The following PEX11A variants were observed in gnomAD, a reference collection of about 807,000 sequenced individuals.
The protein encoded by PEX11A is peroxisomal biogenesis factor 11 alpha.
Under a neutral mutation model 14.4 loss-of-function variants are expected in PEX11A, and 13 were observed. That is an observed-to-expected ratio of 0.90 (90% CI 0.59 to 1.43). The LOEUF (loss-of-function observed/expected upper bound fraction) is 1.43. PEX11A is among the 40% of genes most tolerant of loss of function. PEX11A has a pLI of 0.00. For missense variants in PEX11A, 290 were observed against 302.8 expected (o/e 0.96, Z 0.31); for synonymous variants, 101 against 113.0 (o/e 0.89, Z 0.67).
chr15:89,688,257 A>G (rs1346085371), intron 1 of PEX11A: 6 of 524,554 alleles, frequency 1.1e-5, no homozygotes, highest in Non-Finnish European at 2.3e-5. Flanking sequence ...TGTTTGCATG[A>G]GCATTATTGG....
chr15:89,686,561 A>G lies in PEX11A; in HGVS notation c.57-15T>C. The G allele has an allele frequency of 8.9e-7, 1 of 1,129,514 alleles. No homozygotes were observed. Among genetic ancestry groups the G allele is most frequent in the Admixed American group, 2.0e-5 (1 of 49,678 alleles). The allele number at this position is 1,129,514 out of a possible 1,614,324, so 70.0% of individuals were successfully genotyped here. Reference sequence around the variant, plus strand: ...ACTGAGTGGCTCTGAAATGGAAAAAAAAAAATTGAGAAGAATGATTTACAA... The same window carrying G: ...ACTGAGTGGCTCTGAAATGGAAAAAGAAAAATTGAGAAGAATGATTTACAA... On this transcript the variant is annotated splice_polypyrimidine_tract_variant and intron_variant, in intron 1 of 2. Coordinates refer to ENST00000300056, the MANE Select transcript of PEX11A (RefSeq NM_003847.3).
chr15:89,683,484 C>G lies in PEX11A; in HGVS notation c.637G>C (p.Gly213Arg). 1 of 1,614,074 alleles carries G rather than the reference C, an allele frequency of 6.2e-7. No individual in the cohort carries two copies. The highest frequency in any genetic ancestry group is 8.5e-7 in the Non-Finnish European group (1 of 1,179,928). Residue 213 changes from glycine to arginine, a missense_variant, in exon 3 of 3, where the codon GGG becomes CGG. Coordinates refer to ENST00000300056, the MANE Select transcript of PEX11A (RefSeq NM_003847.3). Reference protein sequence around the residue: ...CDILNPLDQLGIYKSNPGIIG... With the variant: ...CDILNPLDQLRIYKSNPGIIG... ...ATGCCAGGATTGGATTTATAGATCC[C>G]CAGCTGGTCCAAAGGGTTCAGGATA...
intron 2 of PEX11A, among the ~76,000 whole-genome samples, chr15:89,684,911 T>TG (rs1374898547): frequency 6.6e-6 from 1 of 152,054 alleles, no homozygotes; most frequent in Admixed American, 6.5e-5. Flanking sequence ...CAGAAGGGGC[T>TG]GGGCGCGGTG....
At chr15:89,689,080 A>G (rs183982520) in intron 1 of PEX11A, among the ~76,000 whole-genome samples, 1 of 152,322 alleles carries the variant, frequency 6.6e-6, no homozygotes, top group East Asian at 1.9e-4. Context: ...GTACACTGGA[A>G]TTACAGGTTT....
intron 1 of PEX11A, among the ~76,000 whole-genome samples, chr15:89,686,759 T>C (rs74644376): frequency 0.016 from 2,507 of 152,214 alleles, 81 homozygotes; most frequent in African/African-American, 0.057. Flanking sequence ...ACAAAGGTAA[T>C]GAAAACAAAT....
intron 2 of PEX11A, among the ~76,000 whole-genome samples, chr15:89,684,405 G>A (rs1487757413): frequency 6.6e-6 from 1 of 152,210 alleles, no homozygotes; most frequent in Non-Finnish European, 1.5e-5. Flanking sequence ...AATCATGAGT[G>A]TGGACTGTTA....
chr15:89,681,806 C>G lies in PEX11A; in HGVS notation c.*1571G>C, dbSNP rs140598982. The G allele has an allele frequency of 7.8e-4, 263 of 336,174 alleles. No homozygotes were observed. The highest frequency in any genetic ancestry group is 4.9e-3 in the African/African-American group (233 of 47,224). The allele number at this position is 336,174 out of a possible 1,614,324, so 20.8% of individuals were successfully genotyped here. A position where few individuals can be genotyped will look rare whatever the true frequency, so the allele number is the denominator to read the frequency against. ...TTCTCATTTCCATTCAGATAAATGA[C>G]ACAGCTTTGCTGGGAGGACTGACAT... On this transcript the variant is annotated 3_prime_UTR_variant, in exon 3 of 3. Coordinates refer to ENST00000300056, the MANE Select transcript of PEX11A (RefSeq NM_003847.3).
In PEX11A at chr15:89,690,707, A is replaced by AT. The variant is rs1964823254; in HGVS notation, c.-76_-75insA. 9 of 1,092,784 alleles carry AT rather than the reference A, an allele frequency of 8.2e-6. No homozygotes were observed. Among genetic ancestry groups the AT allele is most frequent in the Non-Finnish European group, 1.2e-5 (9 of 736,276 alleles). 67.7% of individuals were successfully genotyped at this position (1,092,784 alleles called of 1,614,324 possible). A position where few individuals can be genotyped will look rare whatever the true frequency, so the allele number is the denominator to read the frequency against. On this transcript the variant is annotated 5_prime_UTR_variant, in exon 1 of 3. Coordinates refer to ENST00000300056, the MANE Select transcript of PEX11A (RefSeq NM_003847.3). ...TCTGGGGCCCGTCGGATCCCCAGGG[A>AT]ACGGTCAGTCCCAGGTTATCCGCTG... is the stretch of plus-strand genomic sequence containing the variant.
intron 1 of PEX11A, chr15:89,688,100 T>A: frequency 1.9e-6 from 1 of 534,954 alleles, no homozygotes; most frequent in South Asian, 1.4e-5. Flanking sequence ...CGGCTTAGTC[T>A]GCCCACCACA....
Position 89,683,695 on chromosome 15 carries a change from G to T in PEX11A, c.426C>A (p.Ile142=), listed in dbSNP as rs1310772440. ...ATGTAACTCGTTTCATCTGCAGGGA[G>T]ATTTCATACAGATCCCTGACCAGGC... ...LLSLVRDLYE[I]SLQMKRVTCD... is the part of the protein sequence containing the mutation. The change falls in exon 3 of 3, where the codon ATC becomes ATA. Residue 142 remains isoleucine (I), a synonymous_variant. Transcript: ENST00000300056. 3 of 1,613,948 alleles carry T rather than the reference G, an allele frequency of 1.9e-6. No individual in the cohort carries two copies. Among genetic ancestry groups the T allele is most frequent in the Non-Finnish European group, 2.5e-6 (3 of 1,179,876 alleles).
At position 89,686,533 on chromosome 15, in the gene PEX11A, T is replaced by G; in HGVS notation, c.70A>C (p.Thr24Pro). 6.6e-7 allele frequency: 1 copy of G among 1,510,784 alleles called. No homozygotes were observed. The highest frequency in any genetic ancestry group is 9.2e-7 in the Non-Finnish European group (1 of 1,092,478). 93.6% of individuals were successfully genotyped at this position (1,510,784 alleles called of 1,614,324 possible). A position where few individuals can be genotyped will look rare whatever the true frequency, so the allele number is the denominator to read the frequency against. ...RDRLFRATQY[T>P]CMLLRYLLEP... ...AACAAATATCTAAGCAACATGCATG[T>G]GTACTGAGTGGCTCTGAAATGGAAA... The change falls in exon 2 of 3, where the codon ACA becomes CCA. Residue 24 changes from threonine (T) to proline (P), a missense_variant. Transcript: ENST00000300056.
rs946514844 is a variant in PEX11A, at chr15:89,687,964, T to C, written c.57-1418A>G. The C allele has an allele frequency of 1.1e-5, 6 of 552,556 alleles. No individual in the cohort carries two copies. The African/African-American group carries it at 1.1e-4, about 10-fold the overall frequency. 34.2% of individuals were successfully genotyped at this position (552,556 alleles called of 1,614,324 possible). A position where few individuals can be genotyped will look rare whatever the true frequency, so the allele number is the denominator to read the frequency against. ...TGGATCACTTGGCCCTTTCTCTTCT[T>C]ATCTCCTCCCAGTTCAAAATGCTGG... On this transcript the variant is annotated intron_variant, in intron 1 of 2. Coordinates refer to ENST00000300056, the MANE Select transcript of PEX11A (RefSeq NM_003847.3).
intron 1 of PEX11A, 107 bp from the exon 2 acceptor site, chr15:89,686,653 G>C: frequency 3.2e-6 from 2 of 619,006 alleles, no homozygotes; most frequent in Non-Finnish European, 5.7e-6. Flanking sequence ...ACATTTCCAA[G>C]ACCATTTCTC....
chr15:89,687,833 A>C, intron 1 of PEX11A: 1 of 329,914 alleles, frequency 3.0e-6, no homozygotes, highest in Non-Finnish European at 5.8e-6. Context: ...TCTAATAATA[A>C]GGATCAGGCC....
In PEX11A at chr15:89,683,460, T is replaced by C. The variant is rs1964626804; in HGVS notation, c.661A>G (p.Ile221Val). The C allele has an allele frequency of 6.2e-7, 1 of 1,614,154 alleles. No individual in the cohort carries two copies. Residue 221 changes from isoleucine (I) to valine (V), a missense_variant, in exon 3 of 3, where the codon ATC (isoleucine) becomes GTC (valine). By Grantham distance (29) the Ile-to-Val change is conservative (BLOSUM62 3). Transcript: ENST00000300056. ...GACACAAGACCTCCAAGTCCAATGA[T>C]GCCAGGATTGGATTTATAGATCCCC... ...QLGIYKSNPG[I>V]IGLGGLVSSI...
At position 89,686,442 on chromosome 15, in the gene PEX11A, G is replaced by A. The variant is rs754679933; in HGVS notation, c.161C>T (p.Thr54Ile). Residue 54 changes from threonine (T) to isoleucine (I), a missense_variant, in exon 2 of 3, where the codon ACT becomes ATT. Physicochemically the swap from Thr to Ile is moderately conservative, Grantham distance 89. Transcript: ENST00000300056. ...KLKKLESSVS[T>I]GRKWFRLGNV... The stretch of plus-strand genomic sequence containing the variant: ...AACAGGGTACTTACATTTACGACCA[G>A]TGCTCACACTGGACTCCAGTTTCTT... 1.5e-5 allele frequency: 22 copies of A among 1,515,072 alleles called. No homozygotes were observed. The highest frequency in any genetic ancestry group is 2.0e-5 in the Non-Finnish European group (22 of 1,090,384). 93.9% of individuals were successfully genotyped at this position (1,515,072 alleles called of 1,614,324 possible). A position where few individuals can be genotyped will look rare whatever the true frequency, so the allele number is the denominator to read the frequency against.
intron 1 of PEX11A, chr15:89,687,974 C>A: frequency 3.6e-6 from 2 of 554,498 alleles, no homozygotes; most frequent in South Asian, 2.8e-5. Context: ...TATCTCCTCC[C>A]AGTTCAAAAT....
chr15:89,686,555 GAAA>G lies in PEX11A; in HGVS notation c.57-12_57-10del. ...ATGTGTACTGAGTGGCTCTGAAATG[GAAA>G]AAAAAAAATTGAGAAGAATGATTTA... On this transcript the variant is annotated splice_polypyrimidine_tract_variant and intron_variant, in intron 1 of 2. Transcript: ENST00000300056. The G allele has an allele frequency of 2.0e-6, 2 of 980,114 alleles. No homozygotes were observed. The highest frequency in any genetic ancestry group is 1.7e-5 in the African/African-American group (1 of 58,628). 60.7% of individuals were successfully genotyped at this position (980,114 alleles called of 1,614,324 possible).
At chr15:89,690,505 G>A in intron 1 of PEX11A, 72 bp downstream of exon 1, 1 of 1,147,130 alleles carries the variant, frequency 8.7e-7, no homozygotes, top group Non-Finnish European at 1.3e-6. Context: ...CCTTTTTCCC[G>A]GGTGCAGGGG....
Sources: gnomAD v4.1 joint callset for allele counts (sites outside exome capture counted in the v4.1 genomes callset) on GRCh38, gnomAD v4.1.1 for gene constraint, MANE v1.5 for transcripts, NCBI Gene and HGNC (gene_info 2026-07-23, HGNC 2026-07-21) for gene names.